Variants in LRRTM4 observed in about 807,000 individuals in gnomAD.
LRRTM4 encodes the protein leucine rich repeat transmembrane neuronal 4, also known as leucine-rich repeat transmembrane neuronal protein 4.
In LRRTM4, 25 loss-of-function variants were observed where a neutral mutation model predicts 47.6. The ratio of observed to expected loss-of-function variants is 0.53; its 90% CI spans 0.38 to 0.73. The LOEUF is 0.73. Among genes scored for constraint, LRRTM4 ranks in the 30% least tolerant of loss-of-function variants. The pLI, the probability that LRRTM4 is intolerant of heterozygous loss-of-function variation, is 0.00. For synonymous variants in LRRTM4, 311 were observed against 269.5 expected (o/e 1.15, Z -1.51); for missense variants, 638 against 713.4 (o/e 0.89, Z 1.20).
chr2:76,919,892 A>G (rs892286287), intron 3 of LRRTM4, among the ~76,000 whole-genome samples: 3 of 152,132 alleles, frequency 2.0e-5, no homozygotes, highest in African/African-American at 7.2e-5. Flanking sequence ...CTCCAACTTT[A>G]AACAGATGCA....
At chr2:77,443,824 T>C (rs903858451) in intron 3 of LRRTM4, among the ~76,000 whole-genome samples, 1 of 152,078 alleles carries the variant, frequency 6.6e-6, no homozygotes, top group Non-Finnish European at 1.5e-5. Flanking sequence ...AAGTTAAATG[T>C]TTTCACCAAA....
intron 3 of LRRTM4, among the ~76,000 whole-genome samples, chr2:76,759,068 AATC>A (rs1035902793): frequency 6.6e-6 from 1 of 152,266 alleles, no homozygotes; most frequent in Admixed American, 6.5e-5. Context: ...AAAAAACTAA[AATC>A]ATTTAGGTTG....
At chr2:77,260,203 C>T (rs1194187536) in intron 3 of LRRTM4, among the ~76,000 whole-genome samples, 1 of 151,994 alleles carries the variant, frequency 6.6e-6, no homozygotes, top group Non-Finnish European at 1.5e-5. Context: ...GGGCAAGGCA[C>T]AGCTTATGTA....
intron 3 of LRRTM4, among the ~76,000 whole-genome samples, chr2:77,007,686 G>A (rs1162342838): frequency 6.6e-6 from 1 of 152,076 alleles, no homozygotes; most frequent in African/African-American, 2.4e-5. Context: ...CTCTCTAAAG[G>A]GAAAGAATAA....
chr2:77,200,371 A>G (rs935217924), intron 3 of LRRTM4, among the ~76,000 whole-genome samples: 4 of 152,164 alleles, frequency 2.6e-5, no homozygotes, highest in Admixed American at 1.3e-4. Flanking sequence ...TCAGTTGACA[A>G]AAACATTTAA....
intron 3 of LRRTM4, among the ~76,000 whole-genome samples, chr2:77,231,596 T>C (rs1674967011): frequency 6.6e-6 from 1 of 152,152 alleles, no homozygotes; most frequent in African/African-American, 2.4e-5. Context: ...TCTGGTAATT[T>C]ATAGAGAAAA....
intron 3 of LRRTM4, among the ~76,000 whole-genome samples, chr2:76,907,090 G>A: frequency 6.6e-6 from 1 of 151,654 alleles, no homozygotes; most frequent in Non-Finnish European, 1.5e-5. Flanking sequence ...CACATAGTTG[G>A]AAGTAAAGCT....
chr2:77,317,252 GT>G (rs1378664408), intron 3 of LRRTM4, among the ~76,000 whole-genome samples: 4 of 152,076 alleles, frequency 2.6e-5, no homozygotes, highest in African/African-American at 4.8e-5. Context: ...CATATTTGCA[GT>G]TTTTTGCAAT....
chr2:76,872,406 C>T (rs1672649010), intron 3 of LRRTM4, among the ~76,000 whole-genome samples: 1 of 151,848 alleles, frequency 6.6e-6, no homozygotes, highest in African/African-American at 2.4e-5. Context: ...AGTGCTACTC[C>T]CTACTTGGCT....
intron 3 of LRRTM4, among the ~76,000 whole-genome samples, chr2:76,986,446 G>A (rs140507462): frequency 1.3e-5 from 2 of 151,994 alleles, no homozygotes; most frequent in Non-Finnish European, 2.9e-5. Context: ...CCATTTCTAA[G>A]TTACTTAGGT....
At chr2:76,761,210 G>A (rs1262530288) in intron 3 of LRRTM4, among the ~76,000 whole-genome samples, 1 of 152,190 alleles carries the variant, frequency 6.6e-6, no homozygotes, top group Non-Finnish European at 1.5e-5. Context: ...TCAAAACAAA[G>A]CAGGCTGCTT....
In LRRTM4 at chr2:77,089,225, C is replaced by G. The variant is rs377522362; in HGVS notation, c.1552-340309G>C. On this transcript the variant is annotated intron_variant, in intron 3 of 3. Transcript: ENST00000409884. ...CTTTTCCAGGGACAGGGCAAGTAAC[C>G]GAACCCCTTGTCTTCTTGTCTCTAC... 9.3e-4 allele frequency among the ~76,000 whole-genome samples: 133 copies of G among 143,738 alleles called. 1 individual carries two copies. The highest frequency in any genetic ancestry group is 3.5e-3 in the Middle Eastern group (1 of 286). 94.3% of individuals were successfully genotyped at this position (143,738 alleles called of 152,430 possible).
chr2:77,198,507 AG>A (rs1206881308), intron 3 of LRRTM4, among the ~76,000 whole-genome samples: 2 of 152,180 alleles, frequency 1.3e-5, no homozygotes, highest in African/African-American at 4.8e-5. Flanking sequence ...CCTTATCATC[AG>A]AAAGACCGTT....
At chr2:77,201,713 A>C (rs1489516650) in intron 3 of LRRTM4, among the ~76,000 whole-genome samples, 1 of 152,132 alleles carries the variant, frequency 6.6e-6, no homozygotes, top group Non-Finnish European at 1.5e-5. Flanking sequence ...GTAACATTCC[A>C]TAGCATTTCT....
chr2:77,083,079 T>G (rs1481320320), intron 3 of LRRTM4, among the ~76,000 whole-genome samples: 2 of 152,196 alleles, frequency 1.3e-5, no homozygotes, highest in East Asian at 1.9e-4. Context: ...ATTCTTATGT[T>G]TCTGTTTTTA....
chr2:76,835,346 ACAT>A (rs907308467), intron 3 of LRRTM4, among the ~76,000 whole-genome samples: 3 of 152,096 alleles, frequency 2.0e-5, no homozygotes, highest in African/African-American at 7.2e-5. Context: ...AAGGTGAGAA[ACAT>A]CATGTTTCAG....
chr2:76,891,134 A>G (rs1236540001), intron 3 of LRRTM4, among the ~76,000 whole-genome samples: 1 of 151,950 alleles, frequency 6.6e-6, no homozygotes, highest in Non-Finnish European at 1.5e-5. Flanking sequence ...ATCTACAGAA[A>G]GTAAAGAGAA....
rs572333097 is a variant in LRRTM4, at chr2:77,491,785, C to A, written c.1551+26533G>T. Among the ~76,000 whole-genome samples the A allele has an allele frequency of 2.6e-5, 4 of 151,836 alleles. No homozygotes were observed. The East Asian group carries it at 7.7e-4, about 29-fold the overall frequency. On this transcript the variant is annotated intron_variant, in intron 3 of 3. Coordinates refer to ENST00000409884, the MANE Select transcript of LRRTM4 (RefSeq NM_001134745.3). ...AGTGGGAATGAAATTATTTATCTTT[C>A]TTCATTTTTCACTCTTTTAAATGTG... is the stretch of plus-strand genomic sequence containing the variant.
At chr2:77,520,666 T>C (rs943470082) in intron 2 of LRRTM4, among the ~76,000 whole-genome samples, 3 of 152,116 alleles carry the variant, frequency 2.0e-5, no homozygotes, top group African/African-American at 7.2e-5. Context: ...TTGCCATTAT[T>C]TTAGAGTTGT....
Sources: allele counts gnomAD v4.1 joint callset (sites outside exome capture counted in the v4.1 genomes callset), GRCh38; gene constraint gnomAD v4.1.1; transcripts MANE v1.5; gene names NCBI Gene and HGNC (gene_info 2026-07-23, HGNC 2026-07-21).